PDE3B: variants seen among roughly 807,000 people sequenced by gnomAD.
PDE3B encodes cGMP-inhibited 3',5'-cyclic phosphodiesterase 3B.
PDE3B carries 66 observed loss-of-function variants against 116.8 expected under a neutral mutation model. That is an observed-to-expected ratio of 0.56 (90% CI 0.46 to 0.69). The LOEUF (loss-of-function observed/expected upper bound fraction) is 0.69, where lower values mean the gene tolerates loss of function less well. Among genes scored for constraint, PDE3B ranks in the 30% least tolerant of loss-of-function variants. The pLI, the probability that PDE3B is intolerant of heterozygous loss-of-function variation, is 0.00. For synonymous variants in PDE3B, 595 were observed against 533.6 expected, an observed-to-expected ratio of 1.12 and a Z score of -1.59; for missense variants, 1,384 against 1,368.1, an observed-to-expected ratio of 1.01 and a Z score of -0.18.
chr11:14,714,539 C>CAAAA (rs759855381), intron 1 of PDE3B, among the ~76,000 whole-genome samples: 2 of 76,140 alleles, frequency 2.6e-5, no homozygotes, highest in African/African-American at 5.6e-5. Context: ...AACCCTGTCT[C>CAAAA]AAAAAAAAAA....
At chr11:14,880,696 A>G in the PDE3B span, 1 of 1,597,084 alleles carries the variant, frequency 6.3e-7, no homozygotes. Flanking sequence ...GCCATATCCA[A>G]AATATCGAAA....
chr11:14,773,426 T>G (rs896827792), intron 2 of PDE3B: 1 of 152,162 alleles, frequency 6.6e-6, no homozygotes, highest in African/African-American at 2.4e-5. Context: ...TTCTTACTTT[T>G]CATAATGTTC....
intron 5 of PDE3B, among the ~76,000 whole-genome samples, chr11:14,813,601 GCAA>G (rs1859222527): frequency 6.6e-6 from 1 of 152,182 alleles, no homozygotes; most frequent in Non-Finnish European, 1.5e-5. Context: ...TAGCTGATCA[GCAA>G]CCTTAAGGCC....
At chr11:14,653,163 T>G (rs1006784004) in intron 1 of PDE3B, among the ~76,000 whole-genome samples, 8 of 151,906 alleles carry the variant, frequency 5.3e-5, no homozygotes, top group Non-Finnish European at 1.0e-4. Context: ...GTTCTAATGG[T>G]TTTTTTTGGT....
At chr11:14,709,112 A>G (rs1015821799) in intron 1 of PDE3B, among the ~76,000 whole-genome samples, 2 of 152,114 alleles carry the variant, frequency 1.3e-5, no homozygotes, top group African/African-American at 2.4e-5. Flanking sequence ...TTGAATCTAG[A>G]GGTAGAAAAG....
intron 12 of PDE3B, among the ~76,000 whole-genome samples, chr11:14,852,702 C>G (rs1847777378): frequency 1.3e-5 from 2 of 152,182 alleles, no homozygotes; most frequent in South Asian, 4.1e-4. Flanking sequence ...GTCTGCTCTC[C>G]TTCAGTCTGT....
At chr11:14,822,322 C>T (rs1859544578) in intron 7 of PDE3B, among the ~76,000 whole-genome samples, 1 of 152,194 alleles carries the variant, frequency 6.6e-6, no homozygotes, top group Non-Finnish European at 1.5e-5. Context: ...AAATGGCCAA[C>T]TAGAAGCAGC....
At chr11:14,793,840 T>C (rs894496011) in intron 4 of PDE3B, among the ~76,000 whole-genome samples, 2 of 152,224 alleles carry the variant, frequency 1.3e-5, no homozygotes, top group African/African-American at 4.8e-5. Context: ...CTGTGCCTTA[T>C]AATTTATCAG....
the PDE3B span, among the ~76,000 whole-genome samples, chr11:14,892,836 T>A: frequency 6.6e-6 from 1 of 152,260 alleles, no homozygotes; most frequent in Non-Finnish European, 1.5e-5. Context: ...ATTTGACCCC[T>A]CTCTGGTCTT....
At chr11:14,705,577 TACA>T (rs891712658) in intron 1 of PDE3B, among the ~76,000 whole-genome samples, 1 of 151,804 alleles carries the variant, frequency 6.6e-6, no homozygotes, top group Non-Finnish European at 1.5e-5. Context: ...CACACAGTTG[TACA>T]ACATTTGTTA....
At chr11:14,840,874 T>C (rs903378070) in intron 11 of PDE3B, among the ~76,000 whole-genome samples, 3 of 152,134 alleles carry the variant, frequency 2.0e-5, no homozygotes, top group Admixed American at 1.3e-4. Flanking sequence ...GAGTTTTTAA[T>C]TGGACAAGGT....
At chr11:14,699,729 GTTAAC>G (rs1855310329) in intron 1 of PDE3B, among the ~76,000 whole-genome samples, 1 of 151,774 alleles carries the variant, frequency 6.6e-6, no homozygotes. Context: ...CTCATTTCCA[GTTAAC>G]TTAATTAGAA....
intron 12 of PDE3B, among the ~76,000 whole-genome samples, chr11:14,844,692 C>T (rs1217323609): frequency 6.6e-6 from 1 of 152,264 alleles, no homozygotes; most frequent in Non-Finnish European, 1.5e-5. Flanking sequence ...ACATCCCGCA[C>T]CTGGCTCGGA....
chr11:14,667,471 A>T (rs896570450), intron 1 of PDE3B, among the ~76,000 whole-genome samples: 3 of 151,094 alleles, frequency 2.0e-5, no homozygotes, highest in Non-Finnish European at 4.4e-5. Context: ...AAAAAAAGAA[A>T]ATGTGGCACA....
chr11:14,662,195 C>A (rs984336723), intron 1 of PDE3B, among the ~76,000 whole-genome samples: 3 of 152,212 alleles, frequency 2.0e-5, no homozygotes, highest in Non-Finnish European at 2.9e-5. Context: ...CCCAGGCAAA[C>A]AGGGTCTGGA....
At chr11:14,875,975 AT>A (rs1186998570), downstream of PDE3B, among the ~76,000 whole-genome samples, 1 of 152,212 alleles carries the variant, frequency 6.6e-6, no homozygotes, top group Non-Finnish European at 1.5e-5. Flanking sequence ...TTCTGCATAG[AT>A]TTATGGAGTT....
chr11:14,660,449 G>A (rs1168805017), intron 1 of PDE3B, among the ~76,000 whole-genome samples: 1 of 151,600 alleles, frequency 6.6e-6, no homozygotes, highest in Non-Finnish European at 1.5e-5. Context: ...CTACAGGCAC[G>A]TGCCACCATT....
In PDE3B at chr11:14,683,672, A is replaced by T. The variant is rs557732503; in HGVS notation, c.978+38619A>T. 2.0e-5 allele frequency among the ~76,000 whole-genome samples: 3 copies of T among 151,746 alleles called. No homozygotes were observed. The South Asian group carries it at 6.2e-4, about 32-fold the overall frequency. ...TATTTTTCTGTTATCACTCTTATTG[A>T]TGGGGAGCTGATCATTATTTCTTTT... On this transcript the variant is annotated intron_variant, in intron 1 of 15. Coordinates refer to ENST00000282096, the MANE Select transcript of PDE3B (RefSeq NM_000922.4).
chr11:14,869,400 A>G, intron 15 of PDE3B, 61 bp from the exon 16 acceptor site: 3 of 1,432,470 alleles, frequency 2.1e-6, no homozygotes, highest in Non-Finnish European at 2.9e-6. Context: ...GGCACTTAAT[A>G]TTTGTTGAAT....
Sources: gnomAD v4.1 joint callset for allele counts (sites outside exome capture counted in the v4.1 genomes callset) on GRCh38, gnomAD v4.1.1 for gene constraint, MANE v1.5 for transcripts, NCBI Gene and HGNC (gene_info 2026-07-23, HGNC 2026-07-21) for gene names.